FRMD4A: variants seen among roughly 807,000 people sequenced by gnomAD.
FRMD4A encodes FERM domain-containing protein 4A.
Under a neutral mutation model 129.1 loss-of-function variants are expected in FRMD4A, and 29 were observed. That is an observed-to-expected ratio of 0.22 (90% CI 0.17 to 0.31). The LOEUF is 0.31. Among genes scored for constraint, FRMD4A ranks in the 10% least tolerant of loss-of-function variants. The pLI is 1.00. For synonymous variants in FRMD4A, 634 were observed against 571.6 expected, an observed-to-expected ratio of 1.11 and a Z score of -1.56; for missense variants, 1,272 against 1,375.8, an observed-to-expected ratio of 0.92 and a Z score of 1.19.
rs2084959759 is a variant in FRMD4A at position 13,685,228 on chromosome 10, T to G, written c.1117+8670A>C. ...TAAAATAGTTCATTTCAGAGAGCAT[T>G]GAAATTGAAGCTCTTTGAAAACCAA... On this transcript the variant is annotated intron_variant, in intron 15 of 24. Coordinates refer to ENST00000357447, the MANE Select transcript of FRMD4A (RefSeq NM_018027.5). 5.1e-6 allele frequency: 5 copies of G among 983,854 alleles called. No homozygotes were observed. In the South Asian group the frequency reaches 2.4e-4, roughly 46 times the overall value. The allele number at this position is 983,854 out of a possible 1,614,324, so 60.9% of individuals were successfully genotyped here.
chr10:14,186,957 CA>C (rs112675339), intron 2 of FRMD4A, among the ~76,000 whole-genome samples: 2,774 of 139,506 alleles, frequency 0.02, 69 homozygotes, highest in African/African-American at 0.065. Context: ...CTCGTCTCTG[CA>C]AAAAAAAAAA....
chr10:13,693,944 G>A lies in FRMD4A; in HGVS notation c.1071C>T (p.Ser357=). Residue 357 remains serine, a synonymous_variant, in exon 15 of 25, where the codon AGC becomes AGT. Coordinates refer to ENST00000357447, the MANE Select transcript of FRMD4A (RefSeq NM_018027.5). The part of the protein sequence containing the change: ...LKTSKLANMG[S]KGKIISGSSG... Reference sequence around the variant, plus strand: ...TGCTGCCGCTGATGATCTTCCCCTTGCTACCCATGTTGGCCAGCTTCGAGG... The same window carrying A: ...TGCTGCCGCTGATGATCTTCCCCTTACTACCCATGTTGGCCAGCTTCGAGG... 6.2e-7 allele frequency: 1 copy of A among 1,604,538 alleles called. No individual in the cohort carries two copies. Among genetic ancestry groups the A allele is most frequent in the South Asian group, 1.1e-5 (1 of 89,300 alleles).
intron 14 of FRMD4A, among the ~76,000 whole-genome samples, chr10:13,698,929 G>A (rs2086506541): frequency 6.6e-6 from 1 of 152,082 alleles, no homozygotes; most frequent in African/African-American, 2.4e-5. Context: ...TGGGAGCGTG[G>A]GCATTTTCTT....
intron 2 of FRMD4A, among the ~76,000 whole-genome samples, chr10:14,123,797 AGCATGTTATTT>A (rs1411914976): frequency 1.3e-5 from 2 of 152,222 alleles, no homozygotes; most frequent in Admixed American, 1.3e-4. Flanking sequence ...GCCTTTACAT[AGCATGTTATTT>A]GTTTCCAGCG....
At chr10:14,100,556 T>G (rs557468423) in intron 2 of FRMD4A, among the ~76,000 whole-genome samples, 89 of 152,286 alleles carry the variant, frequency 5.8e-4, no homozygotes, top group Non-Finnish European at 9.7e-4. Flanking sequence ...CCTTTCCATA[T>G]GCAGTTACAG....
chr10:13,734,594 C>T (rs1203370149), intron 12 of FRMD4A, among the ~76,000 whole-genome samples: 1 of 152,136 alleles, frequency 6.6e-6, no homozygotes, highest in Non-Finnish European at 1.5e-5. Flanking sequence ...CTGCAAAATT[C>T]TTTGCACCCT....
intron 15 of FRMD4A, among the ~76,000 whole-genome samples, chr10:13,683,149 G>A (rs1414380397): frequency 6.6e-6 from 1 of 152,144 alleles, no homozygotes; most frequent in Non-Finnish European, 1.5e-5. Flanking sequence ...CTCCCATGTA[G>A]CTGGGATTAC....
At chr10:13,990,860 C>A (rs1278810225) in intron 2 of FRMD4A, among the ~76,000 whole-genome samples, 1 of 152,136 alleles carries the variant, frequency 6.6e-6, no homozygotes, top group African/African-American at 2.4e-5. Flanking sequence ...ATTTTTCTTT[C>A]CATGAACACC....
chr10:14,174,477 C>T (rs953526348), intron 2 of FRMD4A, among the ~76,000 whole-genome samples: 6 of 152,220 alleles, frequency 3.9e-5, no homozygotes, highest in Non-Finnish European at 8.8e-5. Flanking sequence ...AGCATCCAGC[C>T]GCTTTGGGCT....
At chr10:14,110,509 C>T in intron 2 of FRMD4A, among the ~76,000 whole-genome samples, 1 of 152,086 alleles carries the variant, frequency 6.6e-6, no homozygotes, top group Admixed American at 6.5e-5. Context: ...GATGAGAATG[C>T]AGAAATAAAC....
intron 5 of FRMD4A, among the ~76,000 whole-genome samples, chr10:13,784,353 A>G (rs943071441): frequency 2.0e-5 from 3 of 152,204 alleles, no homozygotes; most frequent in African/African-American, 7.2e-5. Flanking sequence ...TAAGAAGTCC[A>G]CTGGTTTTTA....
At chr10:14,175,173 C>T (rs1825479136) in intron 2 of FRMD4A, among the ~76,000 whole-genome samples, 1 of 152,150 alleles carries the variant, frequency 6.6e-6, no homozygotes, top group African/African-American at 2.4e-5. Context: ...CACATCTATG[C>T]CATCACCAAG....
At chr10:14,040,913 G>T (rs977882043) in intron 2 of FRMD4A, among the ~76,000 whole-genome samples, 3 of 152,088 alleles carry the variant, frequency 2.0e-5, no homozygotes, top group Non-Finnish European at 4.4e-5. Context: ...AAGAAGGAAG[G>T]CAAAACGTCT....
At chr10:13,819,402 T>G (rs1453469864) in intron 3 of FRMD4A, among the ~76,000 whole-genome samples, 1 of 152,098 alleles carries the variant, frequency 6.6e-6, no homozygotes, top group Admixed American at 6.6e-5. Context: ...AAAGCCCACT[T>G]CCTCCATGAA....
At chr10:14,054,589 C>G (rs10906585) in intron 2 of FRMD4A, among the ~76,000 whole-genome samples, 72,903 of 152,018 alleles carry the variant, frequency 0.48, 18,115 homozygotes, top group Middle Eastern at 0.58. Context: ...GCAGTGTCCA[C>G]TGAACAGGGG....
intron 5 of FRMD4A, among the ~76,000 whole-genome samples, chr10:13,789,769 ATGTGTGTGTGTGTGTGTGTGTG>A (rs57602565): frequency 2.3e-5 from 3 of 130,086 alleles, no homozygotes; most frequent in Non-Finnish European, 4.8e-5. Flanking sequence ...GCTGCTTATA[ATGTGTGTGTGTGTGTGTGTGTG>A]TGTGTGTGTG....
At chr10:13,868,877 G>C (rs1334538965) in intron 2 of FRMD4A, among the ~76,000 whole-genome samples, 1 of 152,192 alleles carries the variant, frequency 6.6e-6, no homozygotes, top group African/African-American at 2.4e-5. Flanking sequence ...TTATACACCA[G>C]ATGGAAGTTA....
rs561468969 is a variant in FRMD4A, at chr10:13,707,436, C to T, written c.760-323G>A. On this transcript the variant is annotated intron_variant, in intron 12 of 24. Transcript: ENST00000357447. ...AGTCCCCAGCTTGGCAGACTTTTCC[C>T]TTCCAGGAGAGGGAGGAGAGGTGGA... 3.8e-6 allele frequency: 4 copies of T among 1,055,160 alleles called. No homozygotes were observed. In the South Asian group the frequency reaches 1.5e-4, roughly 40 times the overall value. 65.4% of individuals were successfully genotyped at this position (1,055,160 alleles called of 1,614,324 possible).
intron 2 of FRMD4A, among the ~76,000 whole-genome samples, chr10:13,945,265 T>C (rs1416293765): frequency 6.6e-6 from 1 of 152,256 alleles, no homozygotes; most frequent in Non-Finnish European, 1.5e-5. Flanking sequence ...AAAATTTTAA[T>C]GTCACTTTGG....
Sources: gnomAD v4.1 joint callset for allele counts (sites outside exome capture counted in the v4.1 genomes callset) on GRCh38, gnomAD v4.1.1 for gene constraint, MANE v1.5 for transcripts, NCBI Gene and HGNC (gene_info 2026-07-23, HGNC 2026-07-21) for gene names.